The following PTPRD variants were observed in gnomAD, a reference collection of about 807,000 sequenced individuals.
PTPRD encodes protein tyrosine phosphatase receptor type D, also known as receptor-type tyrosine-protein phosphatase delta.
PTPRD carries 34 observed loss-of-function variants against 214.5 expected under a neutral mutation model. The ratio of observed to expected loss-of-function variants is 0.16; its 90% CI spans 0.12 to 0.21. PTPRD has a LOEUF of 0.21. PTPRD is among the 10% of genes least tolerant of loss of function. The pLI is 1.00. For synonymous variants in PTPRD, 1,128 were observed against 845.7 expected, an observed-to-expected ratio of 1.33 and a Z score of -5.79; for missense variants, 2,545 against 2,398.7, an observed-to-expected ratio of 1.06 and a Z score of -1.27.
chr9:8,421,413 T>C (rs531404735), intron 35 of PTPRD, among the ~76,000 whole-genome samples: 130 of 148,022 alleles, frequency 8.8e-4, no homozygotes, highest in African/African-American at 3.1e-3. Flanking sequence ...AACTTATGCA[T>C]GTATTAATTC....
chr9:10,328,045 A>C (rs1281660742), intron 3 of PTPRD, among the ~76,000 whole-genome samples: 1 of 151,900 alleles, frequency 6.6e-6, no homozygotes, highest in Non-Finnish European at 1.5e-5. Flanking sequence ...CTGCCCCTGT[A>C]GATGAGCTTC....
At chr9:8,830,643 G>A (rs2097269143) in intron 11 of PTPRD, among the ~76,000 whole-genome samples, 1 of 152,102 alleles carries the variant, frequency 6.6e-6, no homozygotes, top group African/African-American at 2.4e-5. Flanking sequence ...CCTATCATGA[G>A]GGGGCATGTT....
chr9:9,007,866 T>A (rs1282963625), intron 11 of PTPRD, among the ~76,000 whole-genome samples: 1 of 142,520 alleles, frequency 7.0e-6, no homozygotes, highest in East Asian at 2.0e-4. Flanking sequence ...TAAAAAGATA[T>A]GACCCATTTT....
intron 3 of PTPRD, among the ~76,000 whole-genome samples, chr9:10,143,750 G>A (rs1375504081): frequency 6.6e-6 from 1 of 152,030 alleles, no homozygotes; most frequent in African/African-American, 2.4e-5. Flanking sequence ...TATGTCCTTT[G>A]CAGCAACATG....
chr9:9,146,260 T>G, intron 10 of PTPRD, among the ~76,000 whole-genome samples: 1 of 152,196 alleles, frequency 6.6e-6, no homozygotes, highest in East Asian at 1.9e-4. Flanking sequence ...TTGTTATTTT[T>G]TTTTTAAATT....
intron 3 of PTPRD, among the ~76,000 whole-genome samples, chr9:10,198,893 CAT>C (rs2099408431): frequency 6.6e-6 from 1 of 151,998 alleles, no homozygotes; most frequent in African/African-American, 2.4e-5. Context: ...TAAAAAGACA[CAT>C]GTTAAAGAGG....
At chr9:8,541,383 C>T (rs879530929) in intron 14 of PTPRD, among the ~76,000 whole-genome samples, 3 of 152,122 alleles carry the variant, frequency 2.0e-5, no homozygotes, top group Non-Finnish European at 4.4e-5. Context: ...GCATGTGTCA[C>T]AATACCTGGC....
chr9:9,418,301 T>C (rs929729480), intron 8 of PTPRD, among the ~76,000 whole-genome samples: 1 of 152,070 alleles, frequency 6.6e-6, no homozygotes, highest in Non-Finnish European at 1.5e-5. Flanking sequence ...TGGTTATTCA[T>C]AGTTTCTTAT....
chr9:10,388,479 G>T (rs1265403249), intron 2 of PTPRD, among the ~76,000 whole-genome samples: 1 of 36,018 alleles, frequency 2.8e-5, no homozygotes, highest in African/African-American at 1.2e-4. Flanking sequence ...TGGATAATTA[G>T]CAAAAAAAAA....
chr9:8,538,634 T>C (rs1020856561), intron 14 of PTPRD, among the ~76,000 whole-genome samples: 2 of 151,338 alleles, frequency 1.3e-5, no homozygotes, highest in Non-Finnish European at 3.0e-5. Context: ...CATATATATA[T>C]ACATTTGTAT....
intron 4 of PTPRD, among the ~76,000 whole-genome samples, chr9:9,962,108 G>C (rs928431606): frequency 2.6e-5 from 4 of 152,090 alleles, no homozygotes; most frequent in African/African-American, 9.7e-5. Flanking sequence ...GCTTCTGACA[G>C]CAGAACCAAA....
intron 14 of PTPRD, among the ~76,000 whole-genome samples, chr9:8,571,992 G>A (rs189732019): frequency 4.7e-4 from 71 of 152,186 alleles, no homozygotes; most frequent in African/African-American, 1.5e-3. Flanking sequence ...GGTGGATGCG[G>A]AAGTAATGTG....
At chr9:9,563,711 T>C (rs898410619) in intron 8 of PTPRD, among the ~76,000 whole-genome samples, 1 of 152,166 alleles carries the variant, frequency 6.6e-6, no homozygotes, top group Non-Finnish European at 1.5e-5. Context: ...AAAGCTTCCA[T>C]TAAGTAATAT....
At chr9:8,526,563 G>T in intron 17 of PTPRD, 64 bp downstream of exon 17, 1 of 1,401,554 alleles carries the variant, frequency 7.1e-7, no homozygotes, top group South Asian at 1.5e-5. Flanking sequence ...ACAAAGATGA[G>T]AGGGATGAAA....
At chr9:10,220,866 C>T (rs1322572387) in intron 3 of PTPRD, among the ~76,000 whole-genome samples, 2 of 151,472 alleles carry the variant, frequency 1.3e-5, no homozygotes, top group Non-Finnish European at 2.9e-5. Context: ...GTATGAGACT[C>T]AGGCTTGGGA....
chr9:9,055,377 T>A (rs2099694300), intron 10 of PTPRD, among the ~76,000 whole-genome samples: 1 of 152,202 alleles, frequency 6.6e-6, no homozygotes. Context: ...ACAATGCACA[T>A]ATACTTCAAA....
chr9:9,873,661 T>G (rs2066077757), intron 5 of PTPRD, among the ~76,000 whole-genome samples: 1 of 152,180 alleles, frequency 6.6e-6, no homozygotes, highest in Non-Finnish European at 1.5e-5. Context: ...AATTAGAATG[T>G]AGTTTGCTAT....
At chr9:10,488,079 C>T (rs142692456) in intron 2 of PTPRD, among the ~76,000 whole-genome samples, 115 of 150,758 alleles carry the variant, frequency 7.6e-4, no homozygotes, top group Non-Finnish European at 1.4e-3. Flanking sequence ...TAAGACTGTG[C>T]CAGGTCGGCT....
chr9:10,268,414 T>C (rs1004948804), intron 3 of PTPRD, among the ~76,000 whole-genome samples: 1 of 152,048 alleles, frequency 6.6e-6, no homozygotes, highest in Non-Finnish European at 1.5e-5. Context: ...ATTATACTAA[T>C]AGTTTTCTTA....
Sources: gnomAD v4.1 joint callset for allele counts (sites outside exome capture counted in the v4.1 genomes callset) on GRCh38, gnomAD v4.1.1 for gene constraint, MANE v1.5 for transcripts, NCBI Gene and HGNC (gene_info 2026-07-23, HGNC 2026-07-21) for gene names.